The following NKAIN2 variants were observed in gnomAD, a reference collection of about 807,000 sequenced individuals.
NKAIN2 encodes sodium/potassium transporting ATPase interacting 2, also known as sodium/potassium-transporting ATPase subunit beta-1-interacting protein 2.
In NKAIN2, 14 loss-of-function variants were observed where a neutral mutation model predicts 32.6. The observed-to-expected ratio is 0.43, with a 90% confidence interval of 0.28 to 0.67. NKAIN2 has a LOEUF of 0.67. Among genes scored for constraint, NKAIN2 ranks in the 30% least tolerant of loss-of-function variants. The pLI is 0.17. For synonymous variants in NKAIN2, 80 were observed against 87.2 expected (o/e 0.92, Z 0.46); for missense variants, 198 against 258.3 (o/e 0.77, Z 1.60).
intron 1 of NKAIN2, among the ~76,000 whole-genome samples, chr6:124,097,191 C>T (rs1284803648): frequency 6.6e-6 from 1 of 151,666 alleles, no homozygotes; most frequent in Non-Finnish European, 1.5e-5. Flanking sequence ...GGGCAGATCA[C>T]GAGGTCGAGA....
intron 4 of NKAIN2, among the ~76,000 whole-genome samples, chr6:124,742,565 T>G (rs764402900): frequency 2.0e-5 from 3 of 151,914 alleles, no homozygotes; most frequent in Non-Finnish European, 2.9e-5. Flanking sequence ...ATTCTTGGCC[T>G]CTATAATTGT....
intron 1 of NKAIN2, among the ~76,000 whole-genome samples, chr6:123,882,403 T>G (rs1488668211): frequency 6.6e-6 from 1 of 152,120 alleles, no homozygotes; most frequent in Non-Finnish European, 1.5e-5. Context: ...TGGGGACAAT[T>G]ATTTCATCTT....
intron 4 of NKAIN2, among the ~76,000 whole-genome samples, chr6:124,734,578 C>T (rs1016883249): frequency 1.3e-5 from 2 of 151,886 alleles, no homozygotes; most frequent in African/African-American, 2.4e-5. Flanking sequence ...ACAAAAAAGA[C>T]TGACACTGGA....
At chr6:124,055,745 A>G (rs1212227370) in intron 1 of NKAIN2, among the ~76,000 whole-genome samples, 2 of 152,016 alleles carry the variant, frequency 1.3e-5, no homozygotes, top group African/African-American at 4.8e-5. Flanking sequence ...TTGACTTTAA[A>G]AAATCACTCT....
intron 1 of NKAIN2, among the ~76,000 whole-genome samples, chr6:124,184,837 A>G (rs749041775): frequency 1.3e-5 from 2 of 151,908 alleles, no homozygotes; most frequent in Non-Finnish European, 2.9e-5. Flanking sequence ...ATCATCTTGC[A>G]TTTTTTTTCA....
intron 1 of NKAIN2, among the ~76,000 whole-genome samples, chr6:123,920,462 A>G (rs170980): frequency 0.39 from 59,813 of 151,732 alleles, 12,246 homozygotes; most frequent in African/African-American, 0.5. Context: ...TCAGAAGCAC[A>G]AAAACCTAGG....
intron 4 of NKAIN2, among the ~76,000 whole-genome samples, chr6:124,778,245 C>T (rs1383904885): frequency 6.9e-5 from 2 of 29,188 alleles, no homozygotes; most frequent in East Asian, 1.9e-3. Flanking sequence ...AACATGTTTT[C>T]CTGAAGTTAA....
chr6:124,432,887 C>A (rs892467752), intron 3 of NKAIN2, among the ~76,000 whole-genome samples: 1 of 152,040 alleles, frequency 6.6e-6, no homozygotes, highest in African/African-American at 2.4e-5. Context: ...CACTAATATA[C>A]CCCAAGCACA....
chr6:124,802,270 T>C (rs1379990467), intron 5 of NKAIN2, among the ~76,000 whole-genome samples: 3 of 152,228 alleles, frequency 2.0e-5, no homozygotes, highest in South Asian at 2.1e-4. Context: ...AATGGGCTGT[T>C]GATTCTAAAT....
intron 1 of NKAIN2, among the ~76,000 whole-genome samples, chr6:124,191,683 GC>G (rs950219231): frequency 1.1e-4 from 17 of 152,052 alleles, no homozygotes; most frequent in African/African-American, 3.9e-4. Flanking sequence ...TCCCAGAAAT[GC>G]ATTCATTCTT....
At chr6:124,760,288 A>G (rs1778199302) in intron 4 of NKAIN2, among the ~76,000 whole-genome samples, 1 of 151,704 alleles carries the variant, frequency 6.6e-6, no homozygotes, top group African/African-American at 2.4e-5. Context: ...AGCAGAAAAA[A>G]GTAACTGTTG....
intron 2 of NKAIN2, among the ~76,000 whole-genome samples, chr6:124,294,768 C>T (rs2114957637): frequency 6.6e-6 from 1 of 152,150 alleles, no homozygotes. Flanking sequence ...GATGTCTTGT[C>T]AGTGGTTTTT....
chr6:124,654,514 AAAAG>A (rs949440708), intron 3 of NKAIN2, among the ~76,000 whole-genome samples: 1 of 152,146 alleles, frequency 6.6e-6, no homozygotes, highest in Admixed American at 6.6e-5. Context: ...AATAAAATAA[AAAAG>A]AGAGAGAGAA....
intron 4 of NKAIN2, among the ~76,000 whole-genome samples, chr6:124,661,539 A>G (rs1376512401): frequency 6.6e-6 from 1 of 152,198 alleles, no homozygotes; most frequent in African/African-American, 2.4e-5. Flanking sequence ...TGCATCACAC[A>G]TACATAAGAT....
At chr6:124,678,806 A>G (rs1773479448) in intron 4 of NKAIN2, among the ~76,000 whole-genome samples, 2 of 152,300 alleles carry the variant, frequency 1.3e-5, no homozygotes, top group South Asian at 4.1e-4. Context: ...CAAAGTAGCC[A>G]CTTCTCCCAA....
At chr6:124,104,866 C>G (rs1050831018) in intron 1 of NKAIN2, among the ~76,000 whole-genome samples, 1 of 152,186 alleles carries the variant, frequency 6.6e-6, no homozygotes, top group Non-Finnish European at 1.5e-5. Flanking sequence ...TGCTATGACA[C>G]AGGTAGCTAG....
chr6:124,612,487 A>G (rs1186235879), intron 3 of NKAIN2, among the ~76,000 whole-genome samples: 1 of 152,206 alleles, frequency 6.6e-6, no homozygotes, highest in African/African-American at 2.4e-5. Context: ...AGCCTGAAGA[A>G]TACAGGGGAA....
chr6:124,227,211 A>C (rs543565558), intron 1 of NKAIN2, among the ~76,000 whole-genome samples: 4 of 151,920 alleles, frequency 2.6e-5, no homozygotes, highest in African/African-American at 9.6e-5. Context: ...GATCCCTTTC[A>C]TGTGGGGTTT....
chr6:123,993,313 A>T (rs765083578), intron 1 of NKAIN2, among the ~76,000 whole-genome samples: 1 of 152,188 alleles, frequency 6.6e-6, no homozygotes, highest in Non-Finnish European at 1.5e-5. Flanking sequence ...TTTGATCCTT[A>T]TAAGGGAATC....
Sources: allele counts gnomAD v4.1 joint callset (sites outside exome capture counted in the v4.1 genomes callset), GRCh38; gene constraint gnomAD v4.1.1; transcripts MANE v1.5; gene names NCBI Gene and HGNC (gene_info 2026-07-23, HGNC 2026-07-21).